SULT2B1: variants seen among roughly 807,000 people sequenced by gnomAD.
SULT2B1 encodes sulfotransferase 2B1.
Under a neutral mutation model 33.2 loss-of-function variants are expected in SULT2B1, and 16 were observed. The ratio of observed to expected loss-of-function variants is 0.48; its 90% CI spans 0.33 to 0.73. SULT2B1 has a LOEUF of 0.73. SULT2B1 is among the 30% of genes least tolerant of loss of function. SULT2B1 has a pLI of 0.02. For synonymous variants in SULT2B1, 186 were observed against 200.5 expected (o/e 0.93, Z 0.61); for missense variants, 500 against 506.0 (o/e 0.99, Z 0.11).
At chr19:48,554,275 C>T (rs563376953) in intron 1 of SULT2B1, among the ~76,000 whole-genome samples, 1 of 151,166 alleles carries the variant, frequency 6.6e-6, no homozygotes, top group Non-Finnish European at 1.5e-5. Context: ...ATGTGCCCCT[C>T]CCAGACCCCC....
chr19:48,595,492 C>T (rs1973698452), intron 5 of SULT2B1, among the ~76,000 whole-genome samples: 1 of 151,910 alleles, frequency 6.6e-6, no homozygotes, highest in Admixed American at 6.6e-5. Context: ...AGTAGACACT[C>T]AGAAAGGAAG....
intron 2 of SULT2B1, among the ~76,000 whole-genome samples, chr19:48,585,827 A>G (rs1339936409): frequency 6.6e-6 from 1 of 152,020 alleles, no homozygotes; most frequent in Non-Finnish European, 1.5e-5. Flanking sequence ...CTTAAAGTAT[A>G]ATAAAAAAAG....
chr19:48,595,292 A>T (rs76985335), intron 5 of SULT2B1, among the ~76,000 whole-genome samples: 1 of 69,064 alleles, frequency 1.4e-5, no homozygotes, highest in East Asian at 3.8e-4. Context: ...AAAAAAAAAA[A>T]GGCAGAGGGG....
rs1252571531 is a variant in SULT2B1, at chr19:48,576,358, TC to T, written c.214+276del. 3.1e-4 allele frequency among the ~76,000 whole-genome samples: 22 copies of T among 70,540 alleles called. 3 individuals are homozygous for T. The highest frequency in any genetic ancestry group is 1.5e-3 in the East Asian group (4 of 2,712). The allele number at this position is 70,540 out of a possible 152,430, so 46.3% of individuals were successfully genotyped here. On this transcript the variant is annotated intron_variant, in intron 2 of 6. Transcript: ENST00000201586. ...CCCTTTCCCCTTTACCCTCTACTTC[TC>T]TTTTTTTTTTTTTTTTTTGTAGAGA... is the stretch of plus-strand genomic sequence containing the variant.
intron 1 of SULT2B1, among the ~76,000 whole-genome samples, chr19:48,557,079 G>T (rs370658026): frequency 6.6e-6 from 1 of 151,876 alleles, no homozygotes; most frequent in East Asian, 1.9e-4. Flanking sequence ...GCAAGACCCC[G>T]TCTCTAAAAA....
chr19:48,590,287 C>T (rs1445727783), intron 3 of SULT2B1, among the ~76,000 whole-genome samples: 1 of 152,016 alleles, frequency 6.6e-6, no homozygotes, highest in East Asian at 2.0e-4. Flanking sequence ...CAGTGCCTGG[C>T]CGACAAGACC....
At position 48,591,604 on chromosome 19, in the gene SULT2B1, C is replaced by G; in HGVS notation, c.424-5C>G. On this transcript the variant is annotated splice_region_variant and splice_polypyrimidine_tract_variant and intron_variant, in intron 3 of 6. Coordinates refer to ENST00000201586, the MANE Select transcript of SULT2B1 (RefSeq NM_177973.2). ...TTCTCCCCTCTCCTCACCATCCGCA[C>G]ACAGGTGATCTACATGGGCCGCAAC... 6.2e-7 allele frequency: 1 copy of G among 1,610,594 alleles called. No individual in the cohort carries two copies. Among genetic ancestry groups the G allele is most frequent in the Non-Finnish European group, 8.5e-7 (1 of 1,177,876 alleles).
At chr19:48,564,025 C>T (rs979714185) in intron 1 of SULT2B1, among the ~76,000 whole-genome samples, 3 of 150,892 alleles carry the variant, frequency 2.0e-5, no homozygotes, top group Non-Finnish European at 2.9e-5. Context: ...GGGTTGATCA[C>T]GAAGTCAGGA....
intron 1 of SULT2B1, among the ~76,000 whole-genome samples, chr19:48,560,726 C>G (rs188309102): frequency 1.3e-5 from 2 of 151,978 alleles, no homozygotes; most frequent in African/African-American, 4.8e-5. Context: ...TTTGGGAAGC[C>G]GAGACGTGTG....
intron 2 of SULT2B1, among the ~76,000 whole-genome samples, chr19:48,580,959 T>G (rs886400688): frequency 6.6e-6 from 1 of 151,774 alleles, no homozygotes; most frequent in African/African-American, 2.4e-5. Flanking sequence ...GTAGTATTAA[T>G]TTGCATTTCC....
intron 4 of SULT2B1, among the ~76,000 whole-genome samples, chr19:48,592,014 C>A (rs1332026812): frequency 1.3e-5 from 2 of 152,050 alleles, no homozygotes; most frequent in South Asian, 2.1e-4. Context: ...GAGACAGGGG[C>A]CCGGCATGGT....
At position 48,552,524 on chromosome 19, in the gene SULT2B1, G is replaced by A. The variant is rs539472741; in HGVS notation, c.71+201G>A. Among the ~76,000 whole-genome samples, 5 of 152,276 alleles carry A rather than the reference G, an allele frequency of 3.3e-5. No homozygotes were observed. Among genetic ancestry groups the A allele is most frequent in the East Asian group, 1.9e-4 (1 of 5,180 alleles). ...CTGAGAAGGGAGTGAGGACCCGACCGTGTTGAGTCACCAGTGGGGATGCCT... is the reference window on the plus strand; with the variant it reads ...CTGAGAAGGGAGTGAGGACCCGACCATGTTGAGTCACCAGTGGGGATGCCT... On this transcript the variant is annotated intron_variant, in intron 1 of 6. Transcript: ENST00000201586. This position sits in a 1 kb window ranked among gnomAD's most constrained non-coding sequence, Gnocchi z 4.8.
At chr19:48,581,768 A>G (rs1257106392) in intron 2 of SULT2B1, among the ~76,000 whole-genome samples, 1 of 150,252 alleles carries the variant, frequency 6.7e-6, no homozygotes, top group East Asian at 2.0e-4. Context: ...AGAGTTCTTT[A>G]TATGATGTGA....
intron 5 of SULT2B1, among the ~76,000 whole-genome samples, chr19:48,595,306 AG>A (rs1973695875): frequency 1.4e-4 from 1 of 7,016 alleles, no homozygotes; most frequent in Non-Finnish European, 7.7e-4. Context: ...AGAGGGGCAC[AG>A]GGGAGGACTA....
At chr19:48,557,933 A>T (rs561844564) in intron 1 of SULT2B1, among the ~76,000 whole-genome samples, 100 of 152,222 alleles carry the variant, frequency 6.6e-4, no homozygotes, top group Middle Eastern at 3.4e-3. Context: ...AAATAATTAA[A>T]ATTAAAAAAA....
chr19:48,599,212 C>A lies in SULT2B1; in HGVS notation c.904C>A (p.Arg302=), dbSNP rs61748775. Reference sequence around the variant, plus strand: ...CGATCGTGCCTACCGCAAGCAGATGCGGGGGATGCCGACCTTCCCCTGGGA... The same window carrying A: ...CGATCGTGCCTACCGCAAGCAGATGAGGGGGATGCCGACCTTCCCCTGGGA... The part of the protein sequence containing the change: ...AFDRAYRKQM[R]GMPTFPWDED... Residue 302 remains arginine (R), a synonymous_variant, in exon 7 of 7, where the codon CGG becomes AGG. Transcript: ENST00000201586. The surrounding 1 kb of genome is among the most constrained non-coding windows in gnomAD (Gnocchi z 4.1). 2 of 1,606,128 alleles carry A rather than the reference C, an allele frequency of 1.2e-6. No individual in the cohort carries two copies. Among genetic ancestry groups the A allele is most frequent in the Non-Finnish European group, 8.5e-7 (1 of 1,177,844 alleles).
intron 6 of SULT2B1, 55 bp downstream of exon 6, chr19:48,596,974 TG>T (rs1973726066): frequency 6.7e-7 from 1 of 1,491,182 alleles, no homozygotes; most frequent in Non-Finnish European, 8.9e-7. Flanking sequence ...CTGTGTGACC[TG>T]GGAGAGTTAC....
chr19:48,558,076 T>C (rs1461576006), intron 1 of SULT2B1, among the ~76,000 whole-genome samples: 2 of 152,142 alleles, frequency 1.3e-5, no homozygotes, highest in Non-Finnish European at 2.9e-5. Context: ...CTCAACCTGT[T>C]GAGTGCTGTC....
chr19:48,554,281 C>A (rs1215076188), intron 1 of SULT2B1, among the ~76,000 whole-genome samples: 2 of 148,942 alleles, frequency 1.3e-5, no homozygotes, highest in Non-Finnish European at 3.0e-5. Flanking sequence ...CCCTCCCAGA[C>A]CCCCTCAGAT....
Sources: gnomAD v4.1 joint callset for allele counts (sites outside exome capture counted in the v4.1 genomes callset) on GRCh38, gnomAD v4.1.1 for gene constraint, Gnocchi (gnomAD v3.1) non-coding constraint, MANE v1.5 for transcripts, NCBI Gene and HGNC (gene_info 2026-07-23, HGNC 2026-07-21) for gene names.